Variants in GPM6A observed in about 807,000 individuals in gnomAD.
The protein encoded by GPM6A is neuronal membrane glycoprotein M6-a.
Under a neutral mutation model 32.1 loss-of-function variants are expected in GPM6A, and 7 were observed. The observed-to-expected ratio is 0.22, with a 90% CI of 0.12 to 0.41. The LOEUF (loss-of-function observed/expected upper bound fraction) is 0.41. Among genes scored for constraint, GPM6A ranks in the 10% least tolerant of loss-of-function variants. The probability of loss-of-function intolerance (pLI) is 1.00; values close to 1 mark genes in which losing one functional copy is unlikely to be tolerated. For synonymous variants in GPM6A, 130 were observed against 123.4 expected (o/e 1.05, Z -0.35); for missense variants, 235 against 347.2 (o/e 0.68, Z 2.57).
intron 2 of GPM6A, among the ~76,000 whole-genome samples, chr4:175,675,550 T>C (rs1054943498): frequency 6.6e-6 from 1 of 152,164 alleles, no homozygotes; most frequent in East Asian, 1.9e-4. Flanking sequence ...TGAAACAAAT[T>C]TACACTTTCA....
At chr4:175,779,981 G>A (rs1733551732) in intron 1 of GPM6A, among the ~76,000 whole-genome samples, 2 of 151,290 alleles carry the variant, frequency 1.3e-5, no homozygotes, top group African/African-American at 4.9e-5. Context: ...GGAGGTAGCA[G>A]TATGCTCAGT....
chr4:175,684,924 T>C (rs1362411533), intron 2 of GPM6A, among the ~76,000 whole-genome samples: 1 of 152,206 alleles, frequency 6.6e-6, no homozygotes, highest in Non-Finnish European at 1.5e-5. Context: ...AGTCTCGCTC[T>C]GTCGCCCAGG....
intron 1 of GPM6A, among the ~76,000 whole-genome samples, chr4:175,941,283 AAT>A (rs1386390988): frequency 2.6e-5 from 4 of 152,226 alleles, no homozygotes; most frequent in Non-Finnish European, 2.9e-5. Flanking sequence ...CATATTAATT[AAT>A]ATGTTAGGGA....
At chr4:175,799,222 A>C (rs991601551) in intron 1 of GPM6A, among the ~76,000 whole-genome samples, 6 of 152,186 alleles carry the variant, frequency 3.9e-5, no homozygotes, top group African/African-American at 1.4e-4. Flanking sequence ...AGCTCCAGTC[A>C]GCTGCCTTTC....
intron 1 of GPM6A, among the ~76,000 whole-genome samples, chr4:175,926,597 T>C (rs1188648007): frequency 6.6e-6 from 1 of 152,160 alleles, no homozygotes; most frequent in East Asian, 1.9e-4. Context: ...CTGAAAATTT[T>C]TGTCCAAGAA....
intron 1 of GPM6A, chr4:175,795,852 A>T (rs1368598670): frequency 1.3e-5 from 2 of 152,294 alleles, no homozygotes; most frequent in Admixed American, 1.3e-4. Flanking sequence ...TGCTCTGGAG[A>T]AGCCAGGCAC....
intron 1 of GPM6A, among the ~76,000 whole-genome samples, chr4:175,776,131 T>C (rs1018960559): frequency 2.0e-5 from 3 of 152,022 alleles, no homozygotes; most frequent in African/African-American, 7.2e-5. Flanking sequence ...AGATAACACA[T>C]CGATGAGCAA....
At chr4:175,979,550 G>A (rs74991463) in intron 1 of GPM6A, among the ~76,000 whole-genome samples, 5,227 of 151,998 alleles carry the variant, frequency 0.034, 156 homozygotes, top group Non-Finnish European at 0.054. Context: ...AGCTTCATCC[G>A]TGCAACAAAC....
intron 1 of GPM6A, among the ~76,000 whole-genome samples, chr4:175,834,874 T>G (rs917358920): frequency 2.6e-5 from 4 of 152,170 alleles, no homozygotes; most frequent in Admixed American, 2.0e-4. Context: ...TACTGGTAAG[T>G]GTATTTCTTT....
intron 6 of GPM6A, among the ~76,000 whole-genome samples, chr4:175,637,685 A>AT: frequency 5.0e-5 from 4 of 79,314 alleles, no homozygotes; most frequent in South Asian, 2.8e-4. Context: ...ATATATATAT[A>AT]ATATATAATA....
chr4:175,663,787 G>A (rs1268215645), intron 3 of GPM6A, among the ~76,000 whole-genome samples: 2 of 150,510 alleles, frequency 1.3e-5, no homozygotes, highest in African/African-American at 4.9e-5. Context: ...TCCACGTCCT[G>A]GGTTCACGCC....
chr4:176,000,399 A>G (rs936650559), intron 1 of GPM6A, among the ~76,000 whole-genome samples: 1 of 152,142 alleles, frequency 6.6e-6, no homozygotes, highest in African/African-American at 2.4e-5. Context: ...CCACAACAAA[A>G]TCTTCCTATA....
intron 3 of GPM6A, among the ~76,000 whole-genome samples, chr4:175,665,611 C>T (rs1560861354): frequency 6.6e-6 from 1 of 151,832 alleles, no homozygotes; most frequent in Admixed American, 6.6e-5. Context: ...TGATGAAAAC[C>T]TATGTCTACC....
At chr4:175,787,945 A>G (rs1579500948) in intron 1 of GPM6A, 1 of 152,370 alleles carries the variant, frequency 6.6e-6, no homozygotes, top group East Asian at 1.9e-4. Flanking sequence ...GAAAAAAGTC[A>G]TACATATATA....
rs950408548 is a variant in GPM6A, at chr4:175,722,529, A to G, written c.38-20762T>C. ...ACGGATCGCGGCTGCACCCTTTTGC[A>G]GCTTTCTTCCTTTCTAATAAACTTT... On this transcript the variant is annotated intron_variant, in intron 1 of 6. Coordinates refer to ENST00000393658, the MANE Select transcript of GPM6A (RefSeq NM_201591.3). Among the ~76,000 whole-genome samples the G allele has an allele frequency of 1.2e-4, 18 of 152,208 alleles. No homozygotes were observed. In the East Asian group the frequency reaches 1.7e-3, roughly 15 times the overall value.
At chr4:175,783,865 A>T (rs957893025) in intron 1 of GPM6A, among the ~76,000 whole-genome samples, 1 of 152,196 alleles carries the variant, frequency 6.6e-6, no homozygotes, top group African/African-American at 2.4e-5. Context: ...ATAGCCTCAG[A>T]GTATCTCTCT....
At chr4:175,991,886 A>G (rs1741155994) in intron 1 of GPM6A, among the ~76,000 whole-genome samples, 3 of 152,302 alleles carry the variant, frequency 2.0e-5, no homozygotes, top group South Asian at 4.1e-4. Flanking sequence ...AATGGAGCAA[A>G]CATCATTTCT....
chr4:175,948,614 T>C (rs1362183183), intron 1 of GPM6A, among the ~76,000 whole-genome samples: 1 of 152,216 alleles, frequency 6.6e-6, no homozygotes, highest in Non-Finnish European at 1.5e-5. Context: ...TCCATCAAAC[T>C]TTATATAATT....
At chr4:175,695,437 C>T (rs992821471) in intron 2 of GPM6A, among the ~76,000 whole-genome samples, 1 of 152,184 alleles carries the variant, frequency 6.6e-6, no homozygotes. Flanking sequence ...GGGGCCCAAC[C>T]TTTGCAGTGT....
Sources: allele counts gnomAD v4.1 joint callset (sites outside exome capture counted in the v4.1 genomes callset), GRCh38; gene constraint gnomAD v4.1.1; transcripts MANE v1.5; gene names NCBI Gene and HGNC (gene_info 2026-07-23, HGNC 2026-07-21).